ZNF573: variants seen among roughly 807,000 people sequenced by gnomAD.
The protein encoded by ZNF573 is zinc finger protein 573.
Under a neutral mutation model 57.4 loss-of-function variants are expected in ZNF573, and 41 were observed. The ratio of observed to expected loss-of-function variants is 0.71; its 90% CI spans 0.56 to 0.93. ZNF573 has a LOEUF of 0.93. Ranked by LOEUF, ZNF573 falls within the 40% of genes least tolerant of loss-of-function variation. The probability of loss-of-function intolerance (pLI) is 0.00; values close to 1 mark genes in which losing one functional copy is unlikely to be tolerated. For missense variants in ZNF573, 730 were observed against 794.8 expected, an observed-to-expected ratio of 0.92 and a Z score of 0.98; for synonymous variants, 249 against 261.0, an observed-to-expected ratio of 0.95 and a Z score of 0.44.
intron 1 of ZNF573, among the ~76,000 whole-genome samples, chr19:37,774,126 C>CTTTTT (rs539456711): frequency 2.3e-5 from 2 of 87,786 alleles, no homozygotes; most frequent in Non-Finnish European, 2.2e-5. Context: ...CTAGAAGCTT[C>CTTTTT]TTTTTTTTTT....
At position 37,739,052 on chromosome 19, in the gene ZNF573, T is replaced by G; in HGVS notation, c.1438A>C (p.Ser480Arg). The change falls in exon 5 of 5, where the codon AGT (serine) becomes CGT (arginine). Residue 480 changes from serine (S) to arginine (R), a missense_variant. Coordinates refer to ENST00000536220, the MANE Select transcript of ZNF573 (RefSeq NM_001172690.2). ...FECQECGKAYSTGSNLIQHRK... is the reference protein window; with the variant it reads ...FECQECGKAYRTGSNLIQHRK... ...TGTTGAATAAGGTTTGAGCCAGTACTATAGGCCTTCCCACATTCCTGACAT... is the reference window on the plus strand; with the variant it reads ...TGTTGAATAAGGTTTGAGCCAGTACGATAGGCCTTCCCACATTCCTGACAT... 6.2e-7 allele frequency: 1 copy of G among 1,613,358 alleles called. No homozygotes were observed. The highest frequency in any genetic ancestry group is 1.1e-5 in the South Asian group (1 of 90,864).
intron 1 of ZNF573, among the ~76,000 whole-genome samples, chr19:37,775,583 GC>G (rs2045700116): frequency 6.6e-6 from 1 of 151,880 alleles, no homozygotes; most frequent in African/African-American, 2.4e-5. Context: ...ACTAGTCCTA[GC>G]CACAGCAACC....
chr19:37,776,162 A>G (rs569775273), intron 1 of ZNF573, among the ~76,000 whole-genome samples: 5 of 152,308 alleles, frequency 3.3e-5, no homozygotes, highest in Admixed American at 2.0e-4. Flanking sequence ...ACAAAAAAAG[A>G]GCCCGCATGG....
chr19:37,775,457 T>G (rs1016767704), intron 1 of ZNF573, among the ~76,000 whole-genome samples: 1 of 152,184 alleles, frequency 6.6e-6, no homozygotes, highest in Non-Finnish European at 1.5e-5. Flanking sequence ...CACGTCCACA[T>G]GAATTCCCAA....
rs773099869 is a variant in ZNF573 at position 37,771,608 on chromosome 19, T to C, written c.158A>G (p.Tyr53Cys). ...EYLDPNQRDL[Y>C]RDVMLENYRN... is the part of the protein sequence containing the mutation. ...ATAGTTCTCCAACATCACATCCCTG[T>C]ATAAGTCCCTCTGATTAGGGTCCAG... The change falls in exon 3 of 5, where the codon TAC becomes TGC. Residue 53 changes from tyrosine to cysteine, a missense_variant. Physicochemically the swap from Tyr to Cys is radical, Grantham distance 194. Transcript: ENST00000536220. 6.8e-6 allele frequency: 11 copies of C among 1,607,168 alleles called. No individual in the cohort carries two copies. Among genetic ancestry groups the C allele is most frequent in the Non-Finnish European group, 9.3e-6 (11 of 1,177,446 alleles).
At chr19:37,740,890 C>T (rs1310926702) in intron 4 of ZNF573, among the ~76,000 whole-genome samples, 2 of 152,198 alleles carry the variant, frequency 1.3e-5, no homozygotes, top group African/African-American at 4.8e-5. Context: ...GGATTACTTA[C>T]AATACCCAAT....
intron 4 of ZNF573, among the ~76,000 whole-genome samples, chr19:37,753,814 C>T (rs1317095996): frequency 1.3e-5 from 2 of 152,178 alleles, no homozygotes; most frequent in African/African-American, 4.8e-5. Context: ...TAGAGTTACA[C>T]TTAGTGTTAC....
chr19:37,743,908 T>C (rs1014457215), intron 4 of ZNF573, among the ~76,000 whole-genome samples: 2 of 152,118 alleles, frequency 1.3e-5, no homozygotes, highest in Admixed American at 1.3e-4. Context: ...AAATACCACA[T>C]GTTCTCACTC....
intron 4 of ZNF573, among the ~76,000 whole-genome samples, chr19:37,748,419 G>A (rs2045401938): frequency 6.6e-6 from 1 of 152,038 alleles, no homozygotes; most frequent in Non-Finnish European, 1.5e-5. Context: ...AATTACCAGT[G>A]GTCTTTGTTT....
At chr19:37,754,223 A>C (rs1343571774) in intron 4 of ZNF573, among the ~76,000 whole-genome samples, 3 of 152,124 alleles carry the variant, frequency 2.0e-5, no homozygotes, top group Non-Finnish European at 4.4e-5. Flanking sequence ...CTAGCATATC[A>C]AATAATTGAA....
intron 4 of ZNF573, among the ~76,000 whole-genome samples, chr19:37,756,069 C>T (rs1357609083): frequency 6.6e-6 from 1 of 152,190 alleles, no homozygotes; most frequent in East Asian, 1.9e-4. Context: ...CTGGCTGTCT[C>T]CTAATGACTG....
chr19:37,775,009 T>G (rs2045694487), intron 1 of ZNF573, among the ~76,000 whole-genome samples: 2 of 147,466 alleles, frequency 1.4e-5, no homozygotes, highest in Non-Finnish European at 3.0e-5. Flanking sequence ...CTAAACTCTC[T>G]CTCTTTTTTT....
chr19:37,767,042 G>A (rs541546085), intron 4 of ZNF573, among the ~76,000 whole-genome samples: 2 of 152,230 alleles, frequency 1.3e-5, no homozygotes, highest in African/African-American at 4.8e-5. Context: ...GAGATAGGGA[G>A]GGTGTACATA....
intron 4 of ZNF573, among the ~76,000 whole-genome samples, chr19:37,764,327 G>GT (rs917031407): frequency 2.0e-4 from 27 of 132,434 alleles, no homozygotes; most frequent in African/African-American, 5.6e-4. Flanking sequence ...TTTTTTTGTT[G>GT]TTTTTTTTTC....
chr19:37,772,343 G>A (rs1224409829), intron 2 of ZNF573, among the ~76,000 whole-genome samples: 1 of 151,980 alleles, frequency 6.6e-6, no homozygotes, highest in Non-Finnish European at 1.5e-5. Flanking sequence ...ATGTTGCCCA[G>A]GCTGGTTTCA....
At chr19:37,752,186 C>T (rs1290203379) in intron 4 of ZNF573, among the ~76,000 whole-genome samples, 3 of 152,100 alleles carry the variant, frequency 2.0e-5, no homozygotes, top group Non-Finnish European at 2.9e-5. Context: ...GCTAGCACAA[C>T]TGGATATTCA....
At chr19:37,759,083 G>T in intron 4 of ZNF573, 1 of 491,016 alleles carries the variant, frequency 2.0e-6, no homozygotes, top group South Asian at 8.5e-5. Context: ...AATGCAGGAG[G>T]ACTGCTTGAG....
intron 4 of ZNF573, among the ~76,000 whole-genome samples, chr19:37,746,275 G>A (rs1199341651): frequency 2.0e-5 from 3 of 152,142 alleles, no homozygotes; most frequent in Admixed American, 6.6e-5. Context: ...CACTACTCAA[G>A]TGAGTAAACT....
intron 1 of ZNF573, among the ~76,000 whole-genome samples, chr19:37,775,399 T>C (rs1456100726): frequency 1.3e-5 from 2 of 152,182 alleles, no homozygotes; most frequent in Admixed American, 1.3e-4. Flanking sequence ...AACTTCCATA[T>C]AGATTCCATG....
Sources: gnomAD v4.1 joint callset for allele counts (sites outside exome capture counted in the v4.1 genomes callset) on GRCh38, gnomAD v4.1.1 for gene constraint, MANE v1.5 for transcripts, NCBI Gene and HGNC (gene_info 2026-07-23, HGNC 2026-07-21) for gene names.